Variants in RBBP4 observed in about 807,000 individuals in gnomAD.
The protein encoded by RBBP4 is histone-binding protein RBBP4.
In RBBP4, 3 loss-of-function variants were observed where a neutral mutation model predicts 57.2. The observed-to-expected ratio is 0.05, with a 90% CI of 0.02 to 0.14. The LOEUF is 0.14. Among genes scored for constraint, RBBP4 ranks in the 10% least tolerant of loss-of-function variants. The pLI, the probability that RBBP4 is intolerant of heterozygous loss-of-function variation, is 1.00. For synonymous variants in RBBP4, 151 were observed against 171.5 expected (o/e 0.88, Z 0.93); for missense variants, 107 against 520.6 (o/e 0.21, Z 7.73).
Position 32,679,708 on chromosome 1 carries a change from A to G in RBBP4, c.*3A>G, listed in dbSNP as rs1649294799. ...ATCCAGAAGGACAAGGGTCCTAGATATGTCTTTACTTGTTGTGATTTTAGA... is the reference window on the plus strand; with the variant it reads ...ATCCAGAAGGACAAGGGTCCTAGATGTGTCTTTACTTGTTGTGATTTTAGA... On this transcript the variant is annotated 3_prime_UTR_variant, in exon 12 of 12. Coordinates refer to ENST00000373493, the MANE Select transcript of RBBP4 (RefSeq NM_005610.3). 6.8e-6 allele frequency: 11 copies of G among 1,612,768 alleles called. No homozygotes were observed. Among genetic ancestry groups the G allele is most frequent in the East Asian group, 2.2e-5 (1 of 44,788 alleles).
chr1:32,677,948 G>A (rs578000289), intron 11 of RBBP4, among the ~76,000 whole-genome samples: 5 of 152,194 alleles, frequency 3.3e-5, no homozygotes, highest in South Asian at 2.1e-4. Context: ...AGATTATGCC[G>A]TTGGATACAG....
chr1:32,662,656 G>A (rs1003059987), intron 3 of RBBP4, among the ~76,000 whole-genome samples: 2 of 151,968 alleles, frequency 1.3e-5, no homozygotes, highest in Admixed American at 1.3e-4. Flanking sequence ...TTATAGGCGT[G>A]AGCCACCATG....
chr1:32,683,993 C>A lies in RBBP4; in HGVS notation c.*4288C>A. 6.2e-7 allele frequency: 1 copy of A among 1,610,830 alleles called. No homozygotes were observed. The highest frequency in any genetic ancestry group is 8.5e-7 in the Non-Finnish European group (1 of 1,177,548). ...CAGTAACAATGCAAACACCACTCTTCTCTTCACAAAGATCACCTTGAGACT... is the reference window on the plus strand; with the variant it reads ...CAGTAACAATGCAAACACCACTCTTATCTTCACAAAGATCACCTTGAGACT... On this transcript the variant is annotated 3_prime_UTR_variant, in exon 12 of 12. Transcript: ENST00000373493.
intron 8 of RBBP4, among the ~76,000 whole-genome samples, chr1:32,671,400 T>C (rs1273949983): frequency 6.6e-6 from 1 of 152,080 alleles, no homozygotes; most frequent in Non-Finnish European, 1.5e-5. Flanking sequence ...CTGACCAACA[T>C]GGTGAAACCT....
Position 32,679,939 on chromosome 1 carries a change from C to T in RBBP4, c.*234C>T, listed in dbSNP as rs758614329. 126 of 1,292,806 alleles carry T rather than the reference C, an allele frequency of 9.7e-5. No homozygotes were observed. Among genetic ancestry groups the T allele is most frequent in the Non-Finnish European group, 1.1e-4 (117 of 1,023,336 alleles). The allele number at this position is 1,292,806 out of a possible 1,614,324, so 80.1% of individuals were successfully genotyped here. A position where few individuals can be genotyped will look rare whatever the true frequency, so the allele number is the denominator to read the frequency against. On this transcript the variant is annotated 3_prime_UTR_variant, in exon 12 of 12. Transcript: ENST00000373493. ...TTTCTTCAGGAATTTTCTAGTAACC[C>T]AGGTCTAAAGTAGCTACAGAAAGGG... is the stretch of plus-strand genomic sequence containing the variant.
rs761532773 is a variant in RBBP4 at position 32,679,679 on chromosome 1, G to T, written c.1252G>T (p.Val418Leu). 2 of 1,606,726 alleles carry T rather than the reference G, an allele frequency of 1.2e-6. No homozygotes were observed. The highest frequency in any genetic ancestry group is 2.2e-5 in the South Asian group (2 of 89,504). ...IYNDEDPEGS[V>L]DPEGQGS Reference sequence around the variant, plus strand: ...TAATGATGAAGACCCTGAAGGAAGCGTGGATCCAGAAGGACAAGGGTCCTA... The same window carrying T: ...TAATGATGAAGACCCTGAAGGAAGCTTGGATCCAGAAGGACAAGGGTCCTA... The change falls in exon 12 of 12, where the codon GTG becomes TTG. Residue 418 changes from valine (V) to leucine (L), a missense_variant. Physicochemically the swap from Val to Leu is conservative, Grantham distance 32. Transcript: ENST00000373493.
intron 2 of RBBP4, among the ~76,000 whole-genome samples, chr1:32,655,646 T>C (rs979600890): frequency 2.0e-5 from 3 of 152,210 alleles, no homozygotes; most frequent in African/African-American, 7.2e-5. Context: ...GTGTCTTCCC[T>C]GGTATATCTT....
rs1404366223 is a variant in RBBP4 at position 32,686,016 on chromosome 1, AC to A, written c.*6312del. The A allele has an allele frequency of 1.3e-5, 2 of 152,210 alleles. No homozygotes were observed. Among genetic ancestry groups the A allele is most frequent in the Admixed American group, 6.5e-5 (1 of 15,274 alleles). The allele number at this position is 152,210 out of a possible 1,614,324, so 9.4% of individuals were successfully genotyped here. ...TATGAACATTTTCCTCTAGCCCTGG[AC>A]TACTAGTACCGAAGTCACTAGTCAC... On this transcript the variant is annotated 3_prime_UTR_variant, in exon 12 of 12. Coordinates refer to ENST00000373493, the MANE Select transcript of RBBP4 (RefSeq NM_005610.3).
chr1:32,669,409 A>G lies in RBBP4; in HGVS notation c.888+52A>G. 2 of 1,571,296 alleles carry G rather than the reference A, an allele frequency of 1.3e-6. No homozygotes were observed. The highest frequency in any genetic ancestry group is 1.2e-5 in the South Asian group (1 of 83,452). The stretch of plus-strand genomic sequence containing the variant: ...ACATAATTTCTCTAGGTTTTTTTGA[A>G]TTGCAGAGATATTTTACTTACAGTA... On this transcript the variant is annotated intron_variant, in intron 7 of 11. Transcript: ENST00000373493. The surrounding 1 kb of genome is among the most constrained non-coding windows in gnomAD (Gnocchi z 4.9).
Position 32,657,549 on chromosome 1 carries a change from C to T in RBBP4, c.287C>T (p.Ser96Leu), listed in dbSNP as rs1442669858. 3 of 1,613,894 alleles carry T rather than the reference C, an allele frequency of 1.9e-6. No homozygotes were observed. Among genetic ancestry groups the T allele is most frequent in the African/African-American group, 1.3e-5 (1 of 75,000 alleles). The change falls in exon 3 of 12, where the codon TCA (serine) becomes TTA (leucine). Residue 96 changes from serine (S) to leucine (L), a missense_variant. By Grantham distance (145) the Ser-to-Leu change is moderately radical. Transcript: ENST00000373493. ...LPNDDAQFDA[S>L]HYDSEKGEFG... is the part of the protein sequence containing the mutation. ...AATGATGATGCTCAGTTTGATGCGT[C>T]ACACTACGACAGTGAGAAAGGAGGT...
chr1:32,679,687 A>G lies in RBBP4; in HGVS notation c.1260A>G (p.Pro420=). 1 of 1,610,634 alleles carries G rather than the reference A, an allele frequency of 6.2e-7. No individual in the cohort carries two copies. Among genetic ancestry groups the G allele is most frequent in the Non-Finnish European group, 8.5e-7 (1 of 1,178,918 alleles). ...AAGACCCTGAAGGAAGCGTGGATCC[A>G]GAAGGACAAGGGTCCTAGATATGTC... ...NDEDPEGSVD[P]EGQGS Residue 420 remains proline (P), a synonymous_variant, in exon 12 of 12, where the codon CCA becomes CCG. Coordinates refer to ENST00000373493, the MANE Select transcript of RBBP4 (RefSeq NM_005610.3).
rs898299785 is a variant in RBBP4, at chr1:32,673,942, CA to C, written c.1212+1050del. On this transcript the variant is annotated intron_variant, in intron 11 of 11. Transcript: ENST00000373493. ...TGAAACCCCATCTGTACTAAAAATACAAAAAAAAATTAGCCGGGCGTGGTGG... is the reference window on the plus strand; with the variant it reads ...TGAAACCCCATCTGTACTAAAAATACAAAAAAAATTAGCCGGGCGTGGTGG... Among the ~76,000 whole-genome samples, 6 of 150,384 alleles carry C rather than the reference CA, an allele frequency of 4.0e-5. No homozygotes were observed. In the South Asian group the frequency reaches 6.3e-4, roughly 16 times the overall value.
Position 32,673,006 on chromosome 1 carries a change from CT to C in RBBP4, c.1212+106del, listed in dbSNP as rs755091490. 145 of 879,028 alleles carry C rather than the reference CT, an allele frequency of 1.6e-4. 2 individuals carry two copies. The highest frequency in any genetic ancestry group is 4.9e-5 in the Non-Finnish European group (28 of 565,838). The allele number at this position is 879,028 out of a possible 1,614,324, so 54.5% of individuals were successfully genotyped here. A position where few individuals can be genotyped will look rare whatever the true frequency, so the allele number is the denominator to read the frequency against. The stretch of plus-strand genomic sequence containing the variant: ...ACAGCTACCATCTCTGTTCATTTTA[CT>C]CCCAGGTGTGATTTTAAGACTTGTC... On this transcript the variant is annotated intron_variant, in intron 11 of 11. Coordinates refer to ENST00000373493, the MANE Select transcript of RBBP4 (RefSeq NM_005610.3).
chr1:32,658,767 C>T (rs12041355), intron 3 of RBBP4, among the ~76,000 whole-genome samples: 16,778 of 151,572 alleles, frequency 0.11, 1,721 homozygotes, highest in African/African-American at 0.26. Flanking sequence ...AGGCTGGTCT[C>T]GAACTCCGGA....
intron 3 of RBBP4, among the ~76,000 whole-genome samples, chr1:32,665,088 TTA>T (rs1489301769): frequency 7.1e-6 from 1 of 140,866 alleles, no homozygotes; most frequent in Non-Finnish European, 1.6e-5. Context: ...GGAAAAAAAC[TTA>T]TGTGTGACGC....
chr1:32,679,772 A>C lies in RBBP4; in HGVS notation c.*67A>C, dbSNP rs749245713. 1.3e-6 allele frequency: 2 copies of C among 1,598,244 alleles called. No individual in the cohort carries two copies. On this transcript the variant is annotated 3_prime_UTR_variant, in exon 12 of 12. Transcript: ENST00000373493. ...TTCTCAACCCTGAGAGTGATTTAAC[A>C]CTGGTTTTGAGACAGACTTTATTCA...
chr1:32,664,766 G>A (rs913401255), intron 3 of RBBP4, among the ~76,000 whole-genome samples: 1 of 152,036 alleles, frequency 6.6e-6, no homozygotes, highest in African/African-American at 2.4e-5. Flanking sequence ...TTTGGGGGTG[G>A]TGGTCATTGG....
Position 32,684,945 on chromosome 1 carries a change from TAAC to T in RBBP4, c.*5242_*5244del, listed in dbSNP as rs890547852. 2.6e-5 allele frequency: 4 copies of T among 152,662 alleles called. No individual in the cohort carries two copies. The highest frequency in any genetic ancestry group is 9.6e-5 in the African/African-American group (4 of 41,452). The allele number at this position is 152,662 out of a possible 1,614,324, so 9.5% of individuals were successfully genotyped here. Reference sequence around the variant, plus strand: ...GTCAGAGAGATTTCTACCTGGTACTTAACATCATATGGAAATTGATGCTTTAGT... The same window carrying T: ...GTCAGAGAGATTTCTACCTGGTACTTATCATATGGAAATTGATGCTTTAGT... On this transcript the variant is annotated 3_prime_UTR_variant, in exon 12 of 12. Coordinates refer to ENST00000373493, the MANE Select transcript of RBBP4 (RefSeq NM_005610.3).
At chr1:32,671,339 CT>C (rs1648866382) in intron 8 of RBBP4, among the ~76,000 whole-genome samples, 2 of 152,168 alleles carry the variant, frequency 1.3e-5, no homozygotes, top group Non-Finnish European at 2.9e-5. Flanking sequence ...AATCTCAGCG[CT>C]TTGGGAGGCC....
Sources: allele counts gnomAD v4.1 joint callset (sites outside exome capture counted in the v4.1 genomes callset), GRCh38; gene constraint gnomAD v4.1.1; non-coding constraint Gnocchi (gnomAD v3.1); transcripts MANE v1.5; gene names NCBI Gene and HGNC (gene_info 2026-07-23, HGNC 2026-07-21).